KLF8: variants seen among roughly 807,000 people sequenced by gnomAD.
KLF8 encodes the protein KLF transcription factor 8.
Under a neutral mutation model 18.2 loss-of-function variants are expected in KLF8, and 10 were observed. The observed-to-expected ratio is 0.55, with a 90% CI of 0.34 to 0.93. KLF8 has a LOEUF of 0.93. Among genes scored for constraint, KLF8 ranks in the 40% least tolerant of loss-of-function variants. The probability of loss-of-function intolerance (pLI) is 0.02; values close to 1 mark genes in which losing one functional copy is unlikely to be tolerated. For missense variants in KLF8, 264 were observed against 277.9 expected (o/e 0.95, Z 0.36); for synonymous variants, 109 against 97.3 (o/e 1.12, Z -0.71).
At chrX:56,159,099 G>A in the KLF8 span, among the ~76,000 whole-genome samples, 17 of 112,044 alleles carry the variant, frequency 1.5e-4, no homozygotes, top group African/African-American at 4.2e-4. Flanking sequence ...AGCATGAAGC[G>A]TTGTTGAATT....
At chrX:56,109,559 A>G in the KLF8 span, among the ~76,000 whole-genome samples, 2 of 110,978 alleles carry the variant, frequency 1.8e-5, no homozygotes, top group Non-Finnish European at 3.8e-5. Flanking sequence ...TTCTTTCTAA[A>G]TGTTCGATTA....
At chrX:55,991,311 G>A in the KLF8 span, among the ~76,000 whole-genome samples, 3 of 112,345 alleles carry the variant, frequency 2.7e-5, no homozygotes, top group Non-Finnish European at 3.8e-5. Context: ...AGCCACGTGC[G>A]GGATATAATC....
chrX:56,131,662 C>T, the KLF8 span, among the ~76,000 whole-genome samples: 2 of 111,459 alleles, frequency 1.8e-5, no homozygotes, highest in South Asian at 3.7e-4. Context: ...TGTAAATGGC[C>T]TAAATGCTCT....
chrX:55,979,089 C>CGA, the KLF8 span, among the ~76,000 whole-genome samples: 2 of 107,498 alleles, frequency 1.9e-5, no homozygotes, highest in African/African-American at 6.8e-5. Context: ...GCATATAGGG[C>CGA]GAGAGAGAGA....
chrX:56,186,792 A>T, the KLF8 span, among the ~76,000 whole-genome samples: 2 of 112,288 alleles, frequency 1.8e-5, no homozygotes, highest in East Asian at 5.5e-4. Context: ...TACATAACGA[A>T]ATGAAGTCAG....
At chrX:56,162,330 T>C in the KLF8 span, among the ~76,000 whole-genome samples, 3 of 112,050 alleles carry the variant, frequency 2.7e-5, no homozygotes, top group Non-Finnish European at 5.6e-5. Flanking sequence ...TGCAGAGTTT[T>C]CTGCTGCCTT....
the KLF8 span, among the ~76,000 whole-genome samples, chrX:56,019,312 A>G: frequency 8.9e-6 from 1 of 112,546 alleles, no homozygotes; most frequent in Admixed American, 9.4e-5. Context: ...CACTCTTTAG[A>G]CTTCTCTTGG....
At chrX:56,199,585 A>G in the KLF8 span, among the ~76,000 whole-genome samples, 2 of 111,834 alleles carry the variant, frequency 1.8e-5, no homozygotes, top group Non-Finnish European at 3.8e-5. Context: ...GAAAAAACAG[A>G]TGCTGGAGAG....
chrX:56,281,278 C>T (rs1436651472), intron 5 of KLF8, among the ~76,000 whole-genome samples: 1 of 111,944 alleles, frequency 8.9e-6, no homozygotes, highest in Non-Finnish European at 1.9e-5. Context: ...ATGTACCATT[C>T]ACTGCACTGC....
At chrX:56,183,391 G>C in the KLF8 span, among the ~76,000 whole-genome samples, 1 of 112,248 alleles carries the variant, frequency 8.9e-6, no homozygotes, top group Admixed American at 9.4e-5. Flanking sequence ...GGCTAGGAAA[G>C]GGAATTCCCT....
the KLF8 span, among the ~76,000 whole-genome samples, chrX:55,985,020 A>G: frequency 2.7e-4 from 29 of 108,856 alleles, no homozygotes; most frequent in South Asian, 0.011. Context: ...GATTCTGGAT[A>G]TTACACCTTT....
chrX:56,192,392 A>C, the KLF8 span, among the ~76,000 whole-genome samples: 1 of 111,892 alleles, frequency 8.9e-6, no homozygotes, highest in East Asian at 2.8e-4. Context: ...TATATACTAC[A>C]AAAAGCAATC....
At chrX:56,026,054 G>T in the KLF8 span, among the ~76,000 whole-genome samples, 217 of 112,206 alleles carry the variant, frequency 1.9e-3, 1 homozygote, top group African/African-American at 6.6e-3. Context: ...TTTGACTGGA[G>T]TAGGGCTTGT....
At chrX:56,037,382 T>G in the KLF8 span, among the ~76,000 whole-genome samples, 2 of 111,938 alleles carry the variant, frequency 1.8e-5, no homozygotes, top group Admixed American at 1.9e-4. Context: ...TTTTTATTGT[T>G]GTGTCCTTGT....
chrX:56,269,056 T>A, intron 3 of KLF8: 1 of 895,968 alleles, frequency 1.1e-6, no homozygotes, highest in Non-Finnish European at 1.4e-6. Flanking sequence ...GCTGACCCTG[T>A]CCTGGTAGCT....
At chrX:56,129,249 C>G in the KLF8 span, among the ~76,000 whole-genome samples, 1 of 112,259 alleles carries the variant, frequency 8.9e-6, no homozygotes. Flanking sequence ...CAAAGAACTA[C>G]TGCAGGAATA....
the KLF8 span, among the ~76,000 whole-genome samples, chrX:56,077,474 G>A: frequency 9.0e-6 from 1 of 111,495 alleles, no homozygotes. Flanking sequence ...TTGTTTCTGA[G>A]GGCTCTATTC....
chrX:55,959,983 C>T, the KLF8 span, among the ~76,000 whole-genome samples: 4 of 110,855 alleles, frequency 3.6e-5, no homozygotes, highest in Non-Finnish European at 7.6e-5. Flanking sequence ...AAATCACAAA[C>T]GCAACTAGAA....
At chrX:56,177,510 C>T in the KLF8 span, among the ~76,000 whole-genome samples, 14 of 111,007 alleles carry the variant, frequency 1.3e-4, no homozygotes, top group African/African-American at 4.3e-4. Context: ...CCATCTGCCC[C>T]TACTTCAGTG....
Sources: gnomAD v4.1 joint callset for allele counts (sites outside exome capture counted in the v4.1 genomes callset) on GRCh38, gnomAD v4.1.1 for gene constraint, MANE v1.5 for transcripts, NCBI Gene and HGNC (gene_info 2026-07-23, HGNC 2026-07-21) for gene names.